Variants in SYN3 observed in about 807,000 individuals in gnomAD.
SYN3 encodes the protein synapsin-3.
A neutral mutation model predicts 65.8 loss-of-function variants in SYN3; 35 were observed. The ratio of observed to expected loss-of-function variants is 0.53; its 90% CI spans 0.41 to 0.70. SYN3 has a LOEUF of 0.70. SYN3 is among the 30% of genes least tolerant of loss of function. The pLI is 0.00. For missense variants in SYN3, 680 were observed against 749.0 expected (o/e 0.91, Z 1.08); for synonymous variants, 270 against 292.9 (o/e 0.92, Z 0.80).
In SYN3 at chr22:32,956,104, C is replaced by T. The variant is rs557841805; in HGVS notation, c.369+24541G>A. ...CTGTCCCTGTAGAGAACCCTAATAC[C>T]GCCCCCCCCAAAAAATGTTATACAG... is the stretch of plus-strand genomic sequence containing the variant. On this transcript the variant is annotated intron_variant, in intron 3 of 13. Transcript: ENST00000358763. Among the ~76,000 whole-genome samples the T allele has an allele frequency of 2.3e-3, 319 of 139,694 alleles. 1 individual carries two copies. Among genetic ancestry groups the T allele is most frequent in the Non-Finnish European group, 4.0e-3 (260 of 65,494 alleles). The allele number at this position is 139,694 out of a possible 152,430, so 91.6% of individuals were successfully genotyped here.
intron 6 of SYN3, among the ~76,000 whole-genome samples, chr22:32,652,647 G>A (rs1030943074): frequency 1.1e-4 from 17 of 152,040 alleles, no homozygotes; most frequent in African/African-American, 3.4e-4. Context: ...TCAGTTCCTC[G>A]GAATTTATGC....
chr22:32,700,755 T>A (rs1601938991), intron 6 of SYN3, among the ~76,000 whole-genome samples: 1 of 152,158 alleles, frequency 6.6e-6, no homozygotes, highest in Non-Finnish European at 1.5e-5. Context: ...CACCATGTAA[T>A]AGGAAGCAGC....
intron 6 of SYN3, among the ~76,000 whole-genome samples, chr22:32,754,239 C>T (rs1365109408): frequency 6.6e-6 from 1 of 152,108 alleles, no homozygotes; most frequent in African/African-American, 2.4e-5. Context: ...GCAACCTCTG[C>T]CTCCCGGGTT....
chr22:32,733,626 C>T (rs928635348), intron 6 of SYN3, among the ~76,000 whole-genome samples: 6 of 152,232 alleles, frequency 3.9e-5, no homozygotes, highest in Non-Finnish European at 7.3e-5. Flanking sequence ...TTATCTTATT[C>T]ATCTCTGTGT....
chr22:32,554,598 G>A (rs8139920), intron 7 of SYN3, among the ~76,000 whole-genome samples: 33,096 of 151,876 alleles, frequency 0.22, 3,746 homozygotes, highest in Non-Finnish European at 0.23. Context: ...TATTCACCCC[G>A]CCACTCCGGC....
At chr22:32,609,260 C>T (rs2146673525) in intron 6 of SYN3, among the ~76,000 whole-genome samples, 1 of 151,964 alleles carries the variant, frequency 6.6e-6, no homozygotes, top group South Asian at 2.1e-4. Flanking sequence ...GGAGGCGGAG[C>T]TTTCGGTGAG....
chr22:32,603,812 T>G (rs1945059827), intron 6 of SYN3, among the ~76,000 whole-genome samples: 1 of 152,188 alleles, frequency 6.6e-6, no homozygotes, highest in Non-Finnish European at 1.5e-5. Flanking sequence ...TGCATCAGCC[T>G]CTCACAGGCT....
chr22:32,877,484 T>G (rs2049014243), intron 4 of SYN3, among the ~76,000 whole-genome samples: 1 of 152,150 alleles, frequency 6.6e-6, no homozygotes, highest in South Asian at 2.1e-4. Context: ...AATTCTCTGT[T>G]GTGGGGGGCT....
intron 6 of SYN3, among the ~76,000 whole-genome samples, chr22:32,729,604 T>C (rs1393941555): frequency 2.0e-5 from 3 of 152,218 alleles, no homozygotes; most frequent in Non-Finnish European, 2.9e-5. Flanking sequence ...ACTTCCTCTT[T>C]TAATAAATTA....
intron 6 of SYN3, among the ~76,000 whole-genome samples, chr22:32,776,132 T>A (rs2045902237): frequency 1.3e-5 from 2 of 152,274 alleles, no homozygotes; most frequent in East Asian, 3.9e-4. Flanking sequence ...CAGAGCTTTG[T>A]GTCCACAAGC....
chr22:32,716,021 C>T (rs1285570471), intron 6 of SYN3, among the ~76,000 whole-genome samples: 2 of 152,070 alleles, frequency 1.3e-5, no homozygotes, highest in African/African-American at 4.8e-5. Flanking sequence ...CCTTAGAGCA[C>T]TGGAGGGCTT....
chr22:32,880,508 G>A (rs1263101734), intron 4 of SYN3, among the ~76,000 whole-genome samples: 1 of 152,174 alleles, frequency 6.6e-6, no homozygotes, highest in East Asian at 1.9e-4. Context: ...GTATCCCCAA[G>A]AGCAATCAGT....
At chr22:32,592,975 A>C (rs2059148563) in intron 7 of SYN3, among the ~76,000 whole-genome samples, 1 of 152,142 alleles carries the variant, frequency 6.6e-6, no homozygotes, top group Non-Finnish European at 1.5e-5. Flanking sequence ...TTCAAGCAAC[A>C]CTGAGCTCAT....
At chr22:32,715,450 C>T (rs752520262) in intron 6 of SYN3, among the ~76,000 whole-genome samples, 30 of 152,222 alleles carry the variant, frequency 2.0e-4, no homozygotes, top group African/African-American at 3.6e-4. Flanking sequence ...AATATTTGTT[C>T]GTTTCTAAAA....
chr22:32,925,885 G>A (rs935609823), intron 4 of SYN3, among the ~76,000 whole-genome samples: 2 of 18,294 alleles, frequency 1.1e-4, no homozygotes, highest in Admixed American at 5.9e-4. Context: ...TTTTTTTTGT[G>A]GCAGGGTCTC....
In SYN3 at chr22:32,801,648, G is replaced by C. The variant is rs1420671639; in HGVS notation, c.711+63267C>G. On this transcript the variant is annotated intron_variant, in intron 6 of 13. Coordinates refer to ENST00000358763, the MANE Select transcript of SYN3 (RefSeq NM_003490.4). The surrounding 1 kb of genome is among the most constrained non-coding windows in gnomAD (Gnocchi z 4.7). ...CTGAGGGGGCGGGCCCCAACAGCCC[G>C]AGGCGGGGTCCCCGGGGGCCCAGCG... 1 of 160,322 alleles carries C rather than the reference G, an allele frequency of 6.2e-6. No homozygotes were observed. Among genetic ancestry groups the C allele is most frequent in the African/African-American group, 2.4e-5 (1 of 41,718 alleles). 9.9% of individuals were successfully genotyped at this position (160,322 alleles called of 1,614,324 possible).
chr22:32,881,406 T>C (rs759944684), intron 4 of SYN3, among the ~76,000 whole-genome samples: 14 of 152,194 alleles, frequency 9.2e-5, no homozygotes, highest in Non-Finnish European at 1.3e-4. Flanking sequence ...GGGTTAACTA[T>C]TGAACTAGTC....
rs11287 is a variant in SYN3, at chr22:32,862,790, C to T, written c.711+2125G>A. ...AGGCTTCTTAGATTCTCCCAGCATC[C>T]GCCTTTCCCTTTAGCCAGTCTGCTG... On this transcript the variant is annotated intron_variant, in intron 6 of 13. Coordinates refer to ENST00000358763, the MANE Select transcript of SYN3 (RefSeq NM_003490.4). 2,573 of 152,716 alleles carry T rather than the reference C, an allele frequency of 0.017. 31 individuals carry two copies. The highest frequency in any genetic ancestry group is 0.037 in the Middle Eastern group (11 of 294). 9.5% of individuals were successfully genotyped at this position (152,716 alleles called of 1,614,324 possible). A position where few individuals can be genotyped will look rare whatever the true frequency, so the allele number is the denominator to read the frequency against.
At chr22:32,764,353 C>CA (rs2045567921) in intron 6 of SYN3, among the ~76,000 whole-genome samples, 1 of 152,178 alleles carries the variant, frequency 6.6e-6, no homozygotes, top group South Asian at 2.1e-4. Flanking sequence ...GGCTGGGGCC[C>CA]ACTCATTTCC....
Sources: gnomAD v4.1 joint callset for allele counts (sites outside exome capture counted in the v4.1 genomes callset) on GRCh38, gnomAD v4.1.1 for gene constraint, Gnocchi (gnomAD v3.1) non-coding constraint, MANE v1.5 for transcripts, NCBI Gene and HGNC (gene_info 2026-07-23, HGNC 2026-07-21) for gene names.